The following POLA1 variants were observed in gnomAD, a reference collection of about 807,000 sequenced individuals.
The protein encoded by POLA1 is DNA polymerase alpha 1, catalytic subunit.
Under a neutral mutation model 124.0 loss-of-function variants are expected in POLA1, and 15 were observed. The ratio of observed to expected loss-of-function variants is 0.12; its 90% CI spans 0.08 to 0.19. The LOEUF is 0.19. Among genes scored for constraint, POLA1 ranks in the 10% least tolerant of loss-of-function variants. The probability of loss-of-function intolerance (pLI) is 1.00; values close to 1 mark genes in which losing one functional copy is unlikely to be tolerated. For synonymous variants in POLA1, 408 were observed against 389.4 expected (o/e 1.05, Z -0.56); for missense variants, 886 against 1,103.4 (o/e 0.80, Z 2.79).
intron 36 of POLA1, among the ~76,000 whole-genome samples, chrX:24,931,073 G>A (rs1443219112): frequency 9.0e-6 from 1 of 110,948 alleles, no homozygotes; most frequent in Non-Finnish European, 1.9e-5. Flanking sequence ...CTCAGCACTC[G>A]GCGTTTCCTT....
intron 26 of POLA1, among the ~76,000 whole-genome samples, chrX:24,787,434 A>C (rs1273274148): frequency 9.0e-6 from 1 of 111,447 alleles, no homozygotes; most frequent in Non-Finnish European, 1.9e-5. Flanking sequence ...TCGTATGTGG[A>C]TATCTAGTTT....
At chrX:24,776,341 TCTC>T (rs1250269806) in intron 26 of POLA1, among the ~76,000 whole-genome samples, 2 of 111,900 alleles carry the variant, frequency 1.8e-5, no homozygotes, top group African/African-American at 6.5e-5. Flanking sequence ...AAGGCTCTTT[TCTC>T]CTCTTTTTCC....
At chrX:24,723,926 G>A (rs772200849) in intron 11 of POLA1, among the ~76,000 whole-genome samples, 17 of 112,436 alleles carry the variant, frequency 1.5e-4, no homozygotes, top group Non-Finnish European at 2.4e-4. Flanking sequence ...TGATCTGCCC[G>A]CCTTGGCCTC....
intron 1 of POLA1, among the ~76,000 whole-genome samples, chrX:24,696,059 G>A (rs1349790014): frequency 8.9e-6 from 1 of 112,743 alleles, no homozygotes; most frequent in South Asian, 3.6e-4. Context: ...CTTCACACGC[G>A]GAAGCGTTAC....
Position 24,863,744 on chromosome X carries a change from C to A in POLA1, c.4047+20067C>A, listed in dbSNP as rs549699933. Reference sequence around the variant, plus strand: ...TTTGCATTAATGGTGCTCCCGCAGTCTCTTGCTGGGCTCTCTCCTCATCTT... The same window carrying A: ...TTTGCATTAATGGTGCTCCCGCAGTATCTTGCTGGGCTCTCTCCTCATCTT... On this transcript the variant is annotated intron_variant, in intron 34 of 36. Coordinates refer to ENST00000379068, the MANE Select transcript of POLA1 (RefSeq NM_001330360.2). 6.3e-5 allele frequency among the ~76,000 whole-genome samples: 7 copies of A among 111,379 alleles called. No homozygotes were observed. The South Asian group carries it at 2.7e-3, about 43-fold the overall frequency.
In POLA1 at chrX:24,739,476, G is replaced by C. The variant is rs141500749; in HGVS notation, c.2142G>C (p.Leu714=). The part of the protein sequence containing the change: ...KELIRCKSYH[L]SELVQQILKT... ...TGATTCGTTGTAAAAGCTACCATCT[G>C]TCTGAACTTGTTCAGCAGATTCTAA... The change falls in exon 20 of 37, where the codon CTG becomes CTC. Residue 714 remains leucine (L), a synonymous_variant. Coordinates refer to ENST00000379068, the MANE Select transcript of POLA1 (RefSeq NM_001330360.2). The C allele has an allele frequency of 3.7e-5, 44 of 1,191,211 alleles. 2 individuals are homozygous for C. The highest frequency in any genetic ancestry group is 2.1e-4 in the African/African-American group (12 of 56,831).
intron 35 of POLA1, among the ~76,000 whole-genome samples, chrX:24,910,648 G>A (rs1187052206): frequency 9.0e-6 from 1 of 111,449 alleles, no homozygotes; most frequent in Non-Finnish European, 1.9e-5. Context: ...AAAATGATTA[G>A]AGCTAAAGAG....
chrX:24,849,654 C>T (rs2046526131), intron 34 of POLA1, among the ~76,000 whole-genome samples: 2 of 93,680 alleles, frequency 2.1e-5, no homozygotes, highest in African/African-American at 4.1e-5. Flanking sequence ...TTTTTCGAGA[C>T]GGAGTCTTGC....
At chrX:24,917,900 A>G (rs2047556173) in intron 35 of POLA1, among the ~76,000 whole-genome samples, 1 of 111,842 alleles carries the variant, frequency 8.9e-6, no homozygotes, top group South Asian at 3.8e-4. Flanking sequence ...CTTTTGCCAA[A>G]CACTTTATAT....
Position 24,782,996 on chromosome X carries a change from T to A in POLA1, c.2965-26902T>A, listed in dbSNP as rs561156731. On this transcript the variant is annotated intron_variant, in intron 26 of 36. Coordinates refer to ENST00000379068, the MANE Select transcript of POLA1 (RefSeq NM_001330360.2). ...TTAAAAGATCCAGGGAACATGCCTT[T>A]AGGGATGAATCACATGCCTTGAGGT... Among the ~76,000 whole-genome samples the A allele has an allele frequency of 1.5e-4, 16 of 109,889 alleles. No individual in the cohort carries two copies. The South Asian group carries it at 6.4e-3, about 44-fold the overall frequency.
intron 1 of POLA1, among the ~76,000 whole-genome samples, chrX:24,695,719 C>T (rs1927943129): frequency 9.0e-6 from 1 of 111,691 alleles, no homozygotes; most frequent in South Asian, 3.8e-4. Context: ...GTCAGGTGAT[C>T]CACCTGTCTC....
rs1420859299 is a variant in POLA1, at chrX:24,734,735, C to G, written c.1834-664C>G. On this transcript the variant is annotated intron_variant, in intron 17 of 36. Transcript: ENST00000379068. Reference sequence around the variant, plus strand: ...AGTTCAAGGGATTCTCGTGCCTCAGCCTCCTGAGTATCTGGGATTACAGGC... The same window carrying G: ...AGTTCAAGGGATTCTCGTGCCTCAGGCTCCTGAGTATCTGGGATTACAGGC... Among the ~76,000 whole-genome samples, 25 of 111,229 alleles carry G rather than the reference C, an allele frequency of 2.2e-4. No individual in the cohort carries two copies. In the Admixed American group the frequency reaches 2.4e-3, roughly 11 times the overall value.
At chrX:24,802,232 A>G (rs890914088) in intron 26 of POLA1, among the ~76,000 whole-genome samples, 1 of 110,767 alleles carries the variant, frequency 9.0e-6, no homozygotes, top group African/African-American at 3.3e-5. Flanking sequence ...AGTGACATCT[A>G]GACTGGTGTT....
chrX:24,777,058 A>G (rs1305804778), intron 26 of POLA1, among the ~76,000 whole-genome samples: 2 of 112,092 alleles, frequency 1.8e-5, no homozygotes, highest in African/African-American at 3.2e-5. Context: ...TTTTTCAGCA[A>G]TGTTTGACTG....
In POLA1 at chrX:24,857,517, C is replaced by T. The variant is rs776048994; in HGVS notation, c.4047+13840C>T. ...GACATCTTTATTATGTCAAGTCTTCCAATATATGAACACTTTATGTCTCAT... is the reference window on the plus strand; with the variant it reads ...GACATCTTTATTATGTCAAGTCTTCTAATATATGAACACTTTATGTCTCAT... On this transcript the variant is annotated intron_variant, in intron 34 of 36. Transcript: ENST00000379068. Among the ~76,000 whole-genome samples, 68 of 111,148 alleles carry T rather than the reference C, an allele frequency of 6.1e-4. 1 individual carries two copies. In the South Asian group the frequency reaches 0.021, roughly 34 times the overall value.
At position 24,821,576 on chromosome X, in the gene POLA1, T is replaced by C; in HGVS notation, c.3554T>C (p.Ile1185Thr). The change falls in exon 31 of 37, where the codon ATC becomes ACC. Residue 1185 changes from isoleucine to threonine, a missense_variant. By Grantham distance (89) the Ile-to-Thr change is moderately conservative. This residue lies in a region of POLA1 where 313 missense variants were observed against 359.7 expected (regional missense o/e 0.87). Transcript: ENST00000379068. ...VKAGDTVSYVICQDGSNLTAS... is the reference protein window; with the variant it reads ...VKAGDTVSYVTCQDGSNLTAS... ...GCTGGAGATACTGTGTCATATGTCA[T>C]CTGTCAGGTAAACTATTGACATTCG... is the stretch of plus-strand genomic sequence containing the variant. 8.3e-7 allele frequency: 1 copy of C among 1,197,728 alleles called. No homozygotes were observed. The highest frequency in any genetic ancestry group is 1.1e-6 in the Non-Finnish European group (1 of 885,755).
chrX:24,868,921 T>G (rs1324743226), intron 34 of POLA1, among the ~76,000 whole-genome samples: 4 of 110,983 alleles, frequency 3.6e-5, no homozygotes, highest in Non-Finnish European at 7.6e-5. Context: ...AAGATATGAG[T>G]GCTTGTATGT....
intron 36 of POLA1, among the ~76,000 whole-genome samples, chrX:24,956,474 G>A (rs1201742709): frequency 9.1e-6 from 1 of 110,237 alleles, no homozygotes; most frequent in Non-Finnish European, 1.9e-5. Flanking sequence ...AAAAAGGGCA[G>A]CATTCCCAAT....
chrX:24,800,774 C>T (rs2045692065), intron 26 of POLA1, among the ~76,000 whole-genome samples: 1 of 111,897 alleles, frequency 8.9e-6, no homozygotes, highest in South Asian at 3.7e-4. Flanking sequence ...AATAGTCATG[C>T]TGGGGACAAG....
Sources: allele counts gnomAD v4.1 joint callset (sites outside exome capture counted in the v4.1 genomes callset), GRCh38; gene constraint gnomAD v4.1.1; regional missense constraint gnomAD v4.1.1; transcripts MANE v1.5; gene names NCBI Gene and HGNC (gene_info 2026-07-23, HGNC 2026-07-21).